MTHFSD: variants seen among roughly 807,000 people sequenced by gnomAD.
MTHFSD encodes the protein methenyltetrahydrofolate synthase domain-containing protein.
Under a neutral mutation model 31.1 loss-of-function variants are expected in MTHFSD, and 37 were observed. The observed-to-expected ratio is 1.19, with a 90% confidence interval of 0.91 to 1.56. The LOEUF is 1.56. Among genes scored for constraint, MTHFSD ranks in the 40% most tolerant of loss-of-function variants. The pLI, the probability that MTHFSD is intolerant of heterozygous loss-of-function variation, is 0.00. For missense variants in MTHFSD, 664 were observed against 510.1 expected, an observed-to-expected ratio of 1.30 and a Z score of -2.91; for synonymous variants, 221 against 206.9, an observed-to-expected ratio of 1.07 and a Z score of -0.59.
chr16:86,540,378 G>T (rs1363120040), intron 7 of MTHFSD, among the ~76,000 whole-genome samples: 1 of 152,192 alleles, frequency 6.6e-6, no homozygotes, highest in East Asian at 1.9e-4. Flanking sequence ...TTGCTTTTCT[G>T]TAGGAGGATA....
intron 7 of MTHFSD, chr16:86,533,911 G>C (rs921133374): frequency 1.3e-5 from 2 of 152,244 alleles, no homozygotes; most frequent in Non-Finnish European, 2.9e-5. Flanking sequence ...CTGTCTCCCA[G>C]TGCTGGGTGG....
At chr16:86,536,600 C>T (rs977384339) in intron 7 of MTHFSD, among the ~76,000 whole-genome samples, 1 of 152,230 alleles carries the variant, frequency 6.6e-6, no homozygotes, top group Non-Finnish European at 1.5e-5. Flanking sequence ...CGACTGTACC[C>T]CAACATCAGG....
At position 86,531,655 on chromosome 16, in the gene MTHFSD, CT is replaced by C. The variant is rs1970002349; in HGVS notation, c.*355del. On this transcript the variant is annotated 3_prime_UTR_variant, in exon 8 of 8. Coordinates refer to ENST00000360900, the MANE Select transcript of MTHFSD (RefSeq NM_001159377.2). This position sits in a 1 kb window ranked among gnomAD's most constrained non-coding sequence, Gnocchi z 5.5. Reference sequence around the variant, plus strand: ...TCATCTTCTCCTGTTCAGCCCACCCCTGGCAAACTCGAGATCACCTTCACAT... The same window carrying C: ...TCATCTTCTCCTGTTCAGCCCACCCCGGCAAACTCGAGATCACCTTCACAT... 1.1e-5 allele frequency: 2 copies of C among 185,372 alleles called. No homozygotes were observed. The highest frequency in any genetic ancestry group is 3.9e-4 in the South Asian group (2 of 5,178). The allele number at this position is 185,372 out of a possible 1,614,324, so 11.5% of individuals were successfully genotyped here.
intron 4 of MTHFSD, chr16:86,547,393 G>A: frequency 4.1e-6 from 4 of 985,718 alleles, no homozygotes; most frequent in Non-Finnish European, 4.8e-6. Context: ...ATCATTCGAT[G>A]TGGCGGTGGG....
Position 86,552,115 on chromosome 16 carries a change from T to A in MTHFSD, c.155A>T (p.Asp52Val). The A allele has an allele frequency of 1.2e-6, 2 of 1,614,166 alleles. No homozygotes were observed. Among genetic ancestry groups the A allele is most frequent in the African/African-American group, 1.3e-5 (1 of 75,026 alleles). The change falls in exon 3 of 8, where the codon GAC becomes GTC. Residue 52 changes from aspartate (D) to valine (V), a missense_variant. Coordinates refer to ENST00000360900, the MANE Select transcript of MTHFSD (RefSeq NM_001159377.2). ...GSYLACQNIK[D>V]LDVFARTQEV... ...CTGTGTTCTGGCAAAAACGTCTAGG[T>A]CTTTGATGTTTTGGCAAGCCAGATA...
chr16:86,541,177 G>C, intron 7 of MTHFSD: 1 of 1,289,556 alleles, frequency 7.8e-7, no homozygotes, highest in Non-Finnish European at 1.0e-6. Context: ...AGACTAATTT[G>C]CAACCTGTGC....
Position 86,531,777 on chromosome 16 carries a change from T to G in MTHFSD, c.*234A>C. On this transcript the variant is annotated 3_prime_UTR_variant, in exon 8 of 8. Transcript: ENST00000360900. This position sits in a 1 kb window ranked among gnomAD's most constrained non-coding sequence, Gnocchi z 5.5. ...CGACTCAAGGCCCGAGCCTGCACGA[T>G]TGGGAGGCTGCAGTCTCTGCGCGCT... 14 of 363,152 alleles carry G rather than the reference T, an allele frequency of 3.9e-5. No individual in the cohort carries two copies. The highest frequency in any genetic ancestry group is 5.4e-5 in the Non-Finnish European group (11 of 203,172). The allele number at this position is 363,152 out of a possible 1,614,324, so 22.5% of individuals were successfully genotyped here.
In MTHFSD at chr16:86,542,982, G is replaced by T. The variant is rs942810626; in HGVS notation, c.443-769C>A. Among the ~76,000 whole-genome samples the T allele has an allele frequency of 6.6e-6, 1 of 152,190 alleles. No homozygotes were observed. Among genetic ancestry groups the T allele is most frequent in the Non-Finnish European group, 1.5e-5 (1 of 68,024 alleles). On this transcript the variant is annotated intron_variant, in intron 5 of 7. Coordinates refer to ENST00000360900, the MANE Select transcript of MTHFSD (RefSeq NM_001159377.2). The surrounding 1 kb of genome is among the most constrained non-coding windows in gnomAD (Gnocchi z 4.6). Reference sequence around the variant, plus strand: ...TGCCACCAGCAGCATCACCCGCAGAGCACCCGCATCACTGCTGCCGTGTCT... The same window carrying T: ...TGCCACCAGCAGCATCACCCGCAGATCACCCGCATCACTGCTGCCGTGTCT...
intron 3 of MTHFSD, among the ~76,000 whole-genome samples, chr16:86,549,965 G>C (rs960893402): frequency 6.6e-6 from 1 of 152,262 alleles, no homozygotes; most frequent in Non-Finnish European, 1.5e-5. Flanking sequence ...GCTTGAGGTT[G>C]TGCATGCCCC....
chr16:86,555,029 G>C, intron 1 of MTHFSD, 140 bp downstream of exon 1: 2 of 1,442,152 alleles, frequency 1.4e-6, no homozygotes, highest in Non-Finnish European at 1.8e-6. Flanking sequence ...ACCCAGCACA[G>C]ACCCCCTCTG....
Position 86,552,049 on chromosome 16 carries a change from C to T in MTHFSD, c.221G>A (p.Arg74Gln), listed in dbSNP as rs879344116. 4 of 1,614,156 alleles carry T rather than the reference C, an allele frequency of 2.5e-6. No individual in the cohort carries two copies. Among genetic ancestry groups the T allele is most frequent in the Middle Eastern group, 1.6e-4 (1 of 6,062 alleles). The change falls in exon 3 of 8, where the codon CGG becomes CAG. Residue 74 changes from arginine to glutamine, a missense_variant. Arg to Gln is a conservative substitution (Grantham distance 43). Coordinates refer to ENST00000360900, the MANE Select transcript of MTHFSD (RefSeq NM_001159377.2). ...TGGAATTACCTGCAGCACCAGCAGC[C>T]GAACGCCTTCCAGTGGTTTATCAGG... is the stretch of plus-strand genomic sequence containing the variant. Reference protein sequence around the residue: ...VDPDKPLEGVRLLVLQSKKTL... With the variant: ...VDPDKPLEGVQLLVLQSKKTL...
intron 7 of MTHFSD, among the ~76,000 whole-genome samples, chr16:86,537,881 G>A (rs530884596): frequency 6.8e-4 from 103 of 152,352 alleles, no homozygotes; most frequent in Middle Eastern, 6.8e-3. Context: ...CCTCATTAAG[G>A]AGCAAATGAG....
chr16:86,540,801 C>G (rs539164386), intron 7 of MTHFSD: 1 of 1,011,122 alleles, frequency 9.9e-7, no homozygotes, highest in East Asian at 9.7e-5. Flanking sequence ...CGCCCATACA[C>G]TCTGGGTTAC....
rs550166218 is a variant in MTHFSD at position 86,531,910 on chromosome 16, C to T, written c.*101G>A. On this transcript the variant is annotated 3_prime_UTR_variant, in exon 8 of 8. Transcript: ENST00000360900. The surrounding 1 kb of genome is among the most constrained non-coding windows in gnomAD (Gnocchi z 5.5). ...ACCCGAGCAGCTCAGGCGGTGGCTC[C>T]GACACGTCTTGCCACGCAGGCCTCT... 1.8e-4 allele frequency: 140 copies of T among 784,666 alleles called. No homozygotes were observed. The South Asian group carries it at 2.3e-3, about 13-fold the overall frequency. 48.6% of individuals were successfully genotyped at this position (784,666 alleles called of 1,614,324 possible).
In MTHFSD at chr16:86,555,170, T is replaced by G. The variant is rs1433288415; in HGVS notation, c.15A>C (p.Ala5=). The G allele has an allele frequency of 1.3e-6, 2 of 1,534,914 alleles. No homozygotes were observed. The highest frequency in any genetic ancestry group is 1.7e-6 in the Non-Finnish European group (2 of 1,145,286). The part of the protein sequence containing the change: MEPR[A]VGVSKQDIRE... ...CCGGAGCCCCGCCAGGCCCCCCACC[T>G]GCCCTCGGCTCCATGGTGATGCAGT... Residue 5 remains alanine (A), a splice_region_variant and synonymous_variant, in exon 1 of 8, where the codon GCA becomes GCC. Transcript: ENST00000360900.
In MTHFSD at chr16:86,551,476, T is replaced by C. The variant is rs1597379878; in HGVS notation, c.237+557A>G. ...CAAAACTGAGAATGCTTCAACGCCA[T>C]AGTTTTTGTGTTTGTTTGGTTAGGA... On this transcript the variant is annotated intron_variant, in intron 3 of 7. Transcript: ENST00000360900. Among the ~76,000 whole-genome samples the C allele has an allele frequency of 3.3e-5, 5 of 152,380 alleles. No individual in the cohort carries two copies. In the South Asian group the frequency reaches 8.3e-4, roughly 25 times the overall value.
In MTHFSD at chr16:86,546,552, G is replaced by T. The variant is rs764159189; in HGVS notation, c.442+7C>A. On this transcript the variant is annotated splice_region_variant and intron_variant, in intron 5 of 7. Transcript: ENST00000360900. ...CACACTCAAGGGTTCCCATCTGCTA[G>T]TCTTACCTTTTTCAGAAACGGCGAC... is the stretch of plus-strand genomic sequence containing the variant. The T allele has an allele frequency of 2.5e-6, 4 of 1,613,464 alleles. No individual in the cohort carries two copies. The highest frequency in any genetic ancestry group is 3.4e-6 in the Non-Finnish European group (4 of 1,179,606).
At chr16:86,545,464 T>C (rs932060580) in intron 5 of MTHFSD, among the ~76,000 whole-genome samples, 1 of 152,066 alleles carries the variant, frequency 6.6e-6, no homozygotes. Context: ...GAGGGGACCT[T>C]TGCTGATTTC....
chr16:86,538,903 A>G (rs551538023), intron 7 of MTHFSD, among the ~76,000 whole-genome samples: 1 of 152,086 alleles, frequency 6.6e-6, no homozygotes, highest in Non-Finnish European at 1.5e-5. Context: ...CCTGAGTTTC[A>G]CGGGTCTGTG....
Sources: allele counts gnomAD v4.1 joint callset (sites outside exome capture counted in the v4.1 genomes callset), GRCh38; gene constraint gnomAD v4.1.1; non-coding constraint Gnocchi (gnomAD v3.1); transcripts MANE v1.5; gene names NCBI Gene and HGNC (gene_info 2026-07-23, HGNC 2026-07-21).